Variants in SORL1 observed in about 807,000 individuals in gnomAD.
SORL1 encodes sortilin related receptor 1, also known as sortilin-related receptor.
Under a neutral mutation model 273.7 loss-of-function variants are expected in SORL1, and 127 were observed. That is an observed-to-expected ratio of 0.46 (90% CI 0.40 to 0.54). The LOEUF is 0.54. Ranked by LOEUF, SORL1 falls within the 20% of genes least tolerant of loss-of-function variation. The probability of loss-of-function intolerance (pLI) is 0.00; values close to 1 mark genes in which losing one functional copy is unlikely to be tolerated. For missense variants in SORL1, 2,494 were observed against 2,846.1 expected (o/e 0.88, Z 2.81); for synonymous variants, 1,031 against 1,067.4 (o/e 0.97, Z 0.66).
intron 1 of SORL1, among the ~76,000 whole-genome samples, chr11:121,459,353 G>A (rs984699809): frequency 2.6e-4 from 39 of 152,230 alleles, no homozygotes; most frequent in African/African-American, 8.9e-4. Flanking sequence ...AGACCTGCTC[G>A]TGTAGGCAGG....
chr11:121,521,539 T>G (rs1862041959), intron 9 of SORL1, among the ~76,000 whole-genome samples: 1 of 152,206 alleles, frequency 6.6e-6, no homozygotes, highest in African/African-American at 2.4e-5. Flanking sequence ...CAGCTTTAGG[T>G]ATAGGTTTCT....
rs780244180 is a variant in SORL1 at position 121,488,030 on chromosome 11, A to C, written c.529-2A>C. ...TCTCAACTTACCTGTTTTCCCTTGC[A>C]GTACATCTTTGCAGACGCTTATGCC... On this transcript the variant is annotated splice_acceptor_variant, in intron 3 of 47. Transcript: ENST00000260197. LOFTEE classifies it high-confidence loss of function. The C allele has an allele frequency of 6.2e-7, 1 of 1,614,044 alleles. No homozygotes were observed. The highest frequency in any genetic ancestry group is 8.5e-7 in the Non-Finnish European group (1 of 1,179,954).
intron 16 of SORL1, among the ~76,000 whole-genome samples, chr11:121,553,198 A>C (rs911632838): frequency 1.3e-5 from 2 of 152,170 alleles, no homozygotes; most frequent in African/African-American, 4.8e-5. Flanking sequence ...TGAGTTACTT[A>C]ACCTCTCTGG....
intron 34 of SORL1, 77 bp from the exon 35 acceptor site, chr11:121,605,325 T>C: frequency 2.5e-6 from 4 of 1,576,354 alleles, no homozygotes; most frequent in Non-Finnish European, 3.5e-6. Context: ...GCATGCACCA[T>C]GCTATTAACG....
chr11:121,522,879 C>A (rs1469211407), intron 10 of SORL1, 37 bp from the exon 11 acceptor site: 1 of 1,566,658 alleles, frequency 6.4e-7, no homozygotes, highest in Non-Finnish European at 8.8e-7. Context: ...CTGACATATT[C>A]TTGAAATTAA....
chr11:121,488,262 G>A, intron 4 of SORL1, 69 bp downstream of exon 4: 1 of 1,532,302 alleles, frequency 6.5e-7, no homozygotes, highest in Non-Finnish European at 8.9e-7. Context: ...TGTGGATTGT[G>A]TGTCCTTTGA....
At chr11:121,472,163 A>G (rs1227518109) in intron 2 of SORL1, among the ~76,000 whole-genome samples, 1 of 152,082 alleles carries the variant, frequency 6.6e-6, no homozygotes, top group African/African-American at 2.4e-5. Flanking sequence ...AAAACAAAAA[A>G]TAGAAAAGAA....
chr11:121,467,174 C>G (rs926704819), intron 1 of SORL1, among the ~76,000 whole-genome samples: 1 of 151,936 alleles, frequency 6.6e-6, no homozygotes, highest in African/African-American at 2.4e-5. Flanking sequence ...GGACTACAGG[C>G]ACCCGCCACC....
chr11:121,520,912 G>C, intron 9 of SORL1, 63 bp downstream of exon 9: 1 of 1,168,382 alleles, frequency 8.6e-7, no homozygotes, highest in Non-Finnish European at 1.2e-6. Flanking sequence ...CTCTGTGGTA[G>C]TTTCCTATGT....
Position 121,555,226 on chromosome 11 carries a change from A to G in SORL1, c.2479A>G (p.Ile827Val). Residue 827 changes from isoleucine (I) to valine (V), a missense_variant, in exon 18 of 48, where the codon ATC becomes GTC. Physicochemically the swap from Ile to Val is conservative, Grantham distance 29. Around this residue, in one of 3 missense-constraint regions of SORL1, gnomAD observed 1,609 missense variants for 1,816.4 expected, o/e 0.89. Transcript: ENST00000260197. ...TGGAAGCACAGGGCAAGAGGTGATCATCAATTCTGGCCTGGAGACAGTAGA... is the reference window on the plus strand; with the variant it reads ...TGGAAGCACAGGGCAAGAGGTGATCGTCAATTCTGGCCTGGAGACAGTAGA... ...LNGSTGQEVI[I>V]NSGLETVEAL... 6.2e-7 allele frequency: 1 copy of G among 1,614,110 alleles called. No homozygotes were observed. The highest frequency in any genetic ancestry group is 8.5e-7 in the Non-Finnish European group (1 of 1,179,938).
In SORL1 at chr11:121,596,293, G is replaced by A. The variant is rs939342016; in HGVS notation, c.4519+521G>A. The stretch of plus-strand genomic sequence containing the variant: ...AATCACAGGGCCATCTGAGCCCAGT[G>A]TGAGGTGATGCATGCATTCTCTACG... On this transcript the variant is annotated intron_variant, in intron 32 of 47. Transcript: ENST00000260197. This position sits in a 1 kb window ranked among gnomAD's most constrained non-coding sequence, Gnocchi z 4.3. Among the ~76,000 whole-genome samples the A allele has an allele frequency of 2.6e-5, 4 of 152,214 alleles. No homozygotes were observed. The highest frequency in any genetic ancestry group is 2.0e-4 in the Admixed American group (3 of 15,286).
At chr11:121,537,093 G>T (rs915089878) in intron 12 of SORL1, among the ~76,000 whole-genome samples, 2 of 152,158 alleles carry the variant, frequency 1.3e-5, no homozygotes, top group Non-Finnish European at 2.9e-5. Flanking sequence ...AAGGGCCAAA[G>T]CATGATCAGT....
intron 42 of SORL1, 87 bp downstream of exon 42, chr11:121,618,980 A>T: frequency 7.1e-7 from 1 of 1,403,238 alleles, no homozygotes. Context: ...GAGCTTGCAT[A>T]CCTGGACTCC....
chr11:121,597,459 T>G (rs547949592), intron 32 of SORL1, among the ~76,000 whole-genome samples: 2 of 151,970 alleles, frequency 1.3e-5, no homozygotes, highest in East Asian at 1.9e-4. Flanking sequence ...TTTGTTTGTT[T>G]TTTTTTTTTT....
chr11:121,483,655 T>A (rs1041861467), intron 3 of SORL1, among the ~76,000 whole-genome samples: 1 of 152,166 alleles, frequency 6.6e-6, no homozygotes, highest in African/African-American at 2.4e-5. Context: ...GGAAGCACCT[T>A]GTAGGTCAGC....
rs781192811 is a variant in SORL1 at position 121,586,283 on chromosome 11, T to C, written c.3768T>C (p.Cys1256=). 15 of 1,614,040 alleles carry C rather than the reference T, an allele frequency of 9.3e-6. No homozygotes were observed. In the African/African-American group the frequency reaches 2.0e-4, roughly 22 times the overall value. The part of the protein sequence containing the change: ...NGTCIPSSKH[C]DGLRDCSDGS... ...CTTGCATCCCATCCAGCAAACATTG[T>C]GATGGTCTGCGTGATTGCTCTGATG... The change falls in exon 27 of 48, where the codon TGT becomes TGC. Residue 1256 remains cysteine (C), a synonymous_variant. Coordinates refer to ENST00000260197, the MANE Select transcript of SORL1 (RefSeq NM_003105.6).
chr11:121,629,933 G>T lies in SORL1; in HGVS notation c.*370G>T. The T allele has an allele frequency of 4.5e-6, 1 of 223,262 alleles. No homozygotes were observed. Among genetic ancestry groups the T allele is most frequent in the Non-Finnish European group, 9.0e-6 (1 of 111,646 alleles). The allele number at this position is 223,262 out of a possible 1,614,324, so 13.8% of individuals were successfully genotyped here. A position where few individuals can be genotyped will look rare whatever the true frequency, so the allele number is the denominator to read the frequency against. ...TAATAAAAACCTCGAGAGAGTGATG[G>T]GTGGAACCCCTTCTCCTTGAAAGTG... is the stretch of plus-strand genomic sequence containing the variant. On this transcript the variant is annotated 3_prime_UTR_variant, in exon 48 of 48. Coordinates refer to ENST00000260197, the MANE Select transcript of SORL1 (RefSeq NM_003105.6).
chr11:121,478,312 A>AG (rs974291481), intron 3 of SORL1, 69 bp downstream of exon 3: 1 of 1,534,714 alleles, frequency 6.5e-7, no homozygotes, highest in African/African-American at 1.4e-5. Context: ...GCCGCACTTA[A>AG]GGGGGTGCTA....
At chr11:121,576,057 T>TG (rs1443403876) in intron 24 of SORL1, among the ~76,000 whole-genome samples, 11 of 152,370 alleles carry the variant, frequency 7.2e-5, no homozygotes, top group African/African-American at 2.6e-4. Flanking sequence ...CGAGAATGAC[T>TG]GAGACGGCTG....
Sources: allele counts gnomAD v4.1 joint callset (sites outside exome capture counted in the v4.1 genomes callset), GRCh38; gene constraint gnomAD v4.1.1; regional missense constraint gnomAD v4.1.1; non-coding constraint Gnocchi (gnomAD v3.1); transcripts MANE v1.5; gene names NCBI Gene and HGNC (gene_info 2026-07-23, HGNC 2026-07-21).